The following CELF2 variants were observed in gnomAD, a reference collection of about 807,000 sequenced individuals.
CELF2 encodes CUG triplet repeat RNA-binding protein 2.
In CELF2, 8 loss-of-function variants were observed where a neutral mutation model predicts 62.6. The observed-to-expected ratio is 0.13, with a 90% confidence interval of 0.07 to 0.23. The LOEUF is 0.23. CELF2 is among the 10% of genes least tolerant of loss of function. CELF2 has a pLI of 1.00. For missense variants in CELF2, 333 were observed against 671.0 expected, an observed-to-expected ratio of 0.50 and a Z score of 5.56; for synonymous variants, 258 against 250.0, an observed-to-expected ratio of 1.03 and a Z score of -0.30.
At chr10:10,496,174 T>C in the CELF2 span, among the ~76,000 whole-genome samples, 1 of 152,226 alleles carries the variant, frequency 6.6e-6, no homozygotes, top group Non-Finnish European at 1.5e-5. Context: ...CAGAAGAGCT[T>C]GAAGGAGACA....
rs1014651150 is a variant in CELF2, at chr10:10,993,803, G to T, written c.89+73804G>T. The stretch of plus-strand genomic sequence containing the variant: ...TTGAAGTCCTAACCCTGGTACCTGG[G>T]AATGTGATTGTATTTGGAGATAGAA... On this transcript the variant is annotated intron_variant, in intron 2 of 13. Transcript: ENST00000636488. This position sits in a 1 kb window ranked among gnomAD's most constrained non-coding sequence, Gnocchi z 5.3. Among the ~76,000 whole-genome samples, 3 of 152,146 alleles carry T rather than the reference G, an allele frequency of 2.0e-5. No homozygotes were observed. The highest frequency in any genetic ancestry group is 6.6e-5 in the Admixed American group (1 of 15,262).
chr10:11,005,846 A>G lies in CELF2; in HGVS notation c.53+406A>G, dbSNP rs2055160259. ...GAAAAAGGAGCTGAGGAGACTCCAT[A>G]TTAGACTTGCGTTCCAAATACCGCT... On this transcript the variant is annotated intron_variant, in intron 1 of 12. Transcript: ENST00000416382. The surrounding 1 kb of genome is among the most constrained non-coding windows in gnomAD (Gnocchi z 4.3). Among the ~76,000 whole-genome samples, 1 of 152,202 alleles carries G rather than the reference A, an allele frequency of 6.6e-6. No individual in the cohort carries two copies. Among genetic ancestry groups the G allele is most frequent in the Non-Finnish European group, 1.5e-5 (1 of 68,034 alleles).
the CELF2 span, among the ~76,000 whole-genome samples, chr10:10,538,084 A>G: frequency 6.6e-6 from 1 of 152,096 alleles, no homozygotes; most frequent in Non-Finnish European, 1.5e-5. Context: ...AGCCACTGTC[A>G]CCCTCAGGCA....
chr10:10,557,456 G>T, the CELF2 span, among the ~76,000 whole-genome samples: 1 of 138,610 alleles, frequency 7.2e-6, no homozygotes, highest in African/African-American at 2.9e-5. Context: ...AAAGTTTGAA[G>T]TCAGGTAGTG....
chr10:10,535,423 G>T, the CELF2 span, among the ~76,000 whole-genome samples: 1 of 152,134 alleles, frequency 6.6e-6, no homozygotes, highest in African/African-American at 2.4e-5. Flanking sequence ...TTGTCCCTTC[G>T]ATTAGGAAGG....
Position 11,333,691 on chromosome 10 carries a change from A to G in CELF2, c.*4638A>G, listed in dbSNP as rs539695400. On this transcript the variant is annotated 3_prime_UTR_variant, in exon 13 of 13. Coordinates refer to ENST00000633077, the MANE Select transcript of CELF2 (RefSeq NM_001326342.2). Reference sequence around the variant, plus strand: ...TTTAGAATTACAAAATAGTTTTTAAATATTGTCTGAGAAAAGCCAAAGTTA... The same window carrying G: ...TTTAGAATTACAAAATAGTTTTTAAGTATTGTCTGAGAAAAGCCAAAGTTA... 1 of 152,744 alleles carries G rather than the reference A, an allele frequency of 6.5e-6. No homozygotes were observed. Among genetic ancestry groups the G allele is most frequent in the South Asian group, 2.1e-4 (1 of 4,830 alleles). 9.5% of individuals were successfully genotyped at this position (152,744 alleles called of 1,614,324 possible).
intron 1 of CELF2, among the ~76,000 whole-genome samples, chr10:11,073,974 G>T (rs958637178): frequency 6.6e-6 from 1 of 152,168 alleles, no homozygotes; most frequent in Non-Finnish European, 1.5e-5. Flanking sequence ...CTTTGAATTT[G>T]AAAACCTACC....
intron 2 of CELF2, among the ~76,000 whole-genome samples, chr10:10,975,190 G>A (rs558333422): frequency 2.1e-4 from 32 of 152,204 alleles, no homozygotes; most frequent in East Asian, 1.4e-3. Flanking sequence ...CAATCATGGC[G>A]TACTGCAGCT....
the CELF2 span, among the ~76,000 whole-genome samples, chr10:10,759,852 G>T: frequency 6.6e-6 from 1 of 151,992 alleles, no homozygotes; most frequent in Non-Finnish European, 1.5e-5. Flanking sequence ...TTCTTGAAAA[G>T]ACGGTGATAT....
At chr10:10,824,273 G>A (rs1018936009) in intron 1 of CELF2, among the ~76,000 whole-genome samples, 1 of 152,178 alleles carries the variant, frequency 6.6e-6, no homozygotes, top group Admixed American at 6.5e-5. Context: ...CCATACCCAA[G>A]AATGTTATTA....
chr10:11,059,217 A>G (rs1017274377), intron 1 of CELF2, among the ~76,000 whole-genome samples: 2 of 152,224 alleles, frequency 1.3e-5, no homozygotes, highest in African/African-American at 4.8e-5. Flanking sequence ...ACATGATGCC[A>G]TTTTAATCAG....
At chr10:10,596,118 T>C in the CELF2 span, among the ~76,000 whole-genome samples, 1 of 152,160 alleles carries the variant, frequency 6.6e-6, no homozygotes, top group African/African-American at 2.4e-5. Flanking sequence ...GGGACTCACC[T>C]GTCCTGTATC....
At chr10:10,943,881 C>T (rs1458837446) in intron 2 of CELF2, among the ~76,000 whole-genome samples, 2 of 151,950 alleles carry the variant, frequency 1.3e-5, no homozygotes, top group African/African-American at 4.8e-5. Context: ...AGATTACAGG[C>T]ATGAGCCACC....
At chr10:11,164,603 G>A (rs2066516653) in intron 1 of CELF2, among the ~76,000 whole-genome samples, 1 of 151,866 alleles carries the variant, frequency 6.6e-6, no homozygotes, top group Non-Finnish European at 1.5e-5. Context: ...ACAATTTATG[G>A]AGTGTGAGAG....
intron 1 of CELF2, among the ~76,000 whole-genome samples, chr10:11,048,720 ATACAT>A (rs2063315153): frequency 6.6e-6 from 1 of 152,236 alleles, no homozygotes; most frequent in Admixed American, 6.5e-5. Context: ...TATAAACTGG[ATACAT>A]TACAGAGCAC....
chr10:11,069,045 C>T (rs2068961229), intron 1 of CELF2, among the ~76,000 whole-genome samples: 1 of 152,140 alleles, frequency 6.6e-6, no homozygotes, highest in African/African-American at 2.4e-5. Context: ...TATTCCCAAC[C>T]ATACTAAAAT....
the CELF2 span, among the ~76,000 whole-genome samples, chr10:10,703,792 T>C: frequency 6.6e-6 from 1 of 152,164 alleles, no homozygotes; most frequent in Non-Finnish European, 1.5e-5. Context: ...CACAAAAACA[T>C]GTAGCATTTT....
At chr10:10,615,725 T>G in the CELF2 span, among the ~76,000 whole-genome samples, 1 of 152,132 alleles carries the variant, frequency 6.6e-6, no homozygotes, top group African/African-American at 2.4e-5. Flanking sequence ...GCTCCCACCA[T>G]GTAAGATGTG....
At chr10:10,508,147 G>T in the CELF2 span, among the ~76,000 whole-genome samples, 3 of 141,406 alleles carry the variant, frequency 2.1e-5, no homozygotes, top group Non-Finnish European at 3.1e-5. Flanking sequence ...AGGTGTCTGT[G>T]CTGTCTCTCA....
Sources: gnomAD v4.1 joint callset for allele counts (sites outside exome capture counted in the v4.1 genomes callset) on GRCh38, gnomAD v4.1.1 for gene constraint, Gnocchi (gnomAD v3.1) non-coding constraint, MANE v1.5 for transcripts, NCBI Gene and HGNC (gene_info 2026-07-23, HGNC 2026-07-21) for gene names.